The following ZNF469 variants were observed in gnomAD, a reference collection of about 807,000 sequenced individuals.
ZNF469 encodes zinc finger protein 469.
In ZNF469, 1 loss-of-function variant was observed where a neutral mutation model predicts 1.0. The observed-to-expected ratio is 1.00, with a 90% CI of 0.35 to 4.73. The LOEUF (loss-of-function observed/expected upper bound fraction) is 4.73. Ranked by LOEUF, ZNF469 falls within the 30% of genes most tolerant of loss-of-function variation. ZNF469 has a pLI of 0.16. For missense variants in ZNF469, 6,100 were observed against 5,356.3 expected (o/e 1.14, Z -4.33); for synonymous variants, 2,703 against 2,363.4 (o/e 1.14, Z -4.17).
rs1906650979 is a variant in ZNF469 at position 88,437,230 on chromosome 16, G to A, written c.9760G>A (p.Asp3254Asn). 6.5e-7 allele frequency: 1 copy of A among 1,549,236 alleles called. No individual in the cohort carries two copies. The highest frequency in any genetic ancestry group is 8.7e-7 in the Non-Finnish European group (1 of 1,146,418). ...CGGCAAGGCCGCCGGGAGCCCGGGA[G>A]ACCCGTGGGGGCAAGAGGGAGAAGC... ...SAGKAAGSPG[D>N]PWGQEGEAKK... The change falls in exon 3 of 3, where the codon GAC (aspartate) becomes AAC (asparagine). Residue 3254 changes from aspartate (D) to asparagine (N), a missense_variant. Asp to Asn is a conservative substitution (Grantham distance 23). Transcript: ENST00000565624.
chr16:88,376,961 G>A, the ZNF469 span, among the ~76,000 whole-genome samples: 16 of 152,362 alleles, frequency 1.1e-4, no homozygotes, highest in African/African-American at 3.4e-4. Flanking sequence ...CAGGGAGGAC[G>A]GCTCTGCCCG....
At chr16:88,185,876 GCA>G in the ZNF469 span, among the ~76,000 whole-genome samples, 382 of 148,572 alleles carry the variant, frequency 2.6e-3, 2 homozygotes, top group Middle Eastern at 7.1e-3. Flanking sequence ...TATAGTATAT[GCA>G]CACACACACT....
chr16:88,158,240 C>A, the ZNF469 span, among the ~76,000 whole-genome samples: 3 of 146,042 alleles, frequency 2.1e-5, no homozygotes, highest in African/African-American at 7.6e-5. Flanking sequence ...AGCAGGGAGG[C>A]GGGAGATGGG....
chr16:88,184,013 G>A, the ZNF469 span, among the ~76,000 whole-genome samples: 3 of 152,004 alleles, frequency 2.0e-5, no homozygotes, highest in Non-Finnish European at 4.4e-5. Flanking sequence ...CCGGGAAGGA[G>A]GAACGCAGAG....
chr16:88,254,849 A>C, the ZNF469 span, among the ~76,000 whole-genome samples: 11 of 152,228 alleles, frequency 7.2e-5, no homozygotes, highest in Non-Finnish European at 1.6e-4. Flanking sequence ...CAAAAAAAAA[A>C]ATCAGCTAGA....
At chr16:88,358,065 A>G in the ZNF469 span, among the ~76,000 whole-genome samples, 1 of 152,230 alleles carries the variant, frequency 6.6e-6, no homozygotes, top group Non-Finnish European at 1.5e-5. Context: ...AGATGGCCTC[A>G]AGATCCAGCC....
chr16:88,171,116 ACAAGGTAGGCATTTAG>A, the ZNF469 span, among the ~76,000 whole-genome samples: 4 of 152,252 alleles, frequency 2.6e-5, no homozygotes, highest in African/African-American at 9.6e-5. Context: ...TAAATAAATA[ACAAGGTAGGCATTTAG>A]CAAGGTAGGC....
At chr16:88,295,665 G>A in the ZNF469 span, among the ~76,000 whole-genome samples, 1 of 152,122 alleles carries the variant, frequency 6.6e-6, no homozygotes, top group Non-Finnish European at 1.5e-5. Flanking sequence ...GCCTACACTC[G>A]GTGCACACAA....
At chr16:88,375,931 G>T in the ZNF469 span, among the ~76,000 whole-genome samples, 1 of 152,262 alleles carries the variant, frequency 6.6e-6, no homozygotes, top group Non-Finnish European at 1.5e-5. Context: ...CGTGTGGGCC[G>T]GACTGGAGTG....
the ZNF469 span, among the ~76,000 whole-genome samples, chr16:88,128,665 C>T: frequency 1.3e-5 from 2 of 152,224 alleles, no homozygotes; most frequent in African/African-American, 4.8e-5. Flanking sequence ...CCCTTTGCCC[C>T]TGAGCCTGCT....
the ZNF469 span, among the ~76,000 whole-genome samples, chr16:88,119,911 C>G: frequency 1.3e-5 from 2 of 152,314 alleles, no homozygotes; most frequent in East Asian, 3.9e-4. Context: ...ACCACATTTG[C>G]AAAGCGAGAG....
chr16:88,158,768 C>T, the ZNF469 span, among the ~76,000 whole-genome samples: 50 of 152,324 alleles, frequency 3.3e-4, no homozygotes, highest in African/African-American at 1.2e-3. Context: ...GGCGGGAAGC[C>T]AGGCCGAGTC....
the ZNF469 span, among the ~76,000 whole-genome samples, chr16:88,342,874 G>A: frequency 0.28 from 42,276 of 152,162 alleles, 6,493 homozygotes; most frequent in African/African-American, 0.41. Context: ...GTTGCAGGAC[G>A]TCATGTGTAT....
chr16:88,310,006 T>G, the ZNF469 span, among the ~76,000 whole-genome samples: 2 of 152,132 alleles, frequency 1.3e-5, no homozygotes, highest in Admixed American at 1.3e-4. Flanking sequence ...GTAAAACCCT[T>G]CCTAGAATCA....
At chr16:88,297,212 A>T in the ZNF469 span, among the ~76,000 whole-genome samples, 3 of 152,198 alleles carry the variant, frequency 2.0e-5, no homozygotes, top group African/African-American at 7.2e-5. Context: ...GGAGATTGGG[A>T]CGGGGCAGGC....
chr16:88,315,748 C>T, the ZNF469 span, among the ~76,000 whole-genome samples: 1 of 152,212 alleles, frequency 6.6e-6, no homozygotes, highest in African/African-American at 2.4e-5. Flanking sequence ...GGACAGCCCT[C>T]GACCTCCTGG....
At chr16:88,335,749 G>A in the ZNF469 span, among the ~76,000 whole-genome samples, 2 of 152,232 alleles carry the variant, frequency 1.3e-5, no homozygotes, top group African/African-American at 4.8e-5. Context: ...CACCATGCAT[G>A]TTCATCCTTC....
chr16:88,412,821 A>G (rs913990054), intron 1 of ZNF469, among the ~76,000 whole-genome samples: 4 of 152,222 alleles, frequency 2.6e-5, no homozygotes, highest in Non-Finnish European at 4.4e-5. Flanking sequence ...CTTGTTTTAC[A>G]TGAATTCTTG....
the ZNF469 span, among the ~76,000 whole-genome samples, chr16:88,232,557 C>T: frequency 6.6e-6 from 1 of 152,200 alleles, no homozygotes; most frequent in African/African-American, 2.4e-5. Context: ...CATTCTTGTC[C>T]CAGTTAACGC....
Sources: gnomAD v4.1 joint callset for allele counts (sites outside exome capture counted in the v4.1 genomes callset) on GRCh38, gnomAD v4.1.1 for gene constraint, MANE v1.5 for transcripts, NCBI Gene and HGNC (gene_info 2026-07-23, HGNC 2026-07-21) for gene names.